Variants in HTR1F observed in about 807,000 individuals in gnomAD.
HTR1F encodes 5-hydroxytryptamine receptor 1F, also known as 5-hydroxytryptamine (serotonin) receptor 1F, G protein-coupled.
A neutral mutation model predicts 24.0 loss-of-function variants in HTR1F; 17 were observed. That is an observed-to-expected ratio of 0.71 (90% CI 0.48 to 1.06). HTR1F has a LOEUF of 1.06. HTR1F is among the 50% of genes least tolerant of loss of function. HTR1F has a pLI of 0.00. For missense variants in HTR1F, 391 were observed against 427.8 expected (o/e 0.91, Z 0.76); for synonymous variants, 186 against 156.8 (o/e 1.19, Z -1.39).
At chr3:87,986,632 A>G (rs1705667340) in intron 2 of HTR1F, among the ~76,000 whole-genome samples, 1 of 152,202 alleles carries the variant, frequency 6.6e-6, no homozygotes, top group Non-Finnish European at 1.5e-5. Context: ...GGAAACCCAC[A>G]TAACTCTTTC....
At chr3:87,812,603 A>G (rs544115088) in intron 1 of HTR1F, among the ~76,000 whole-genome samples, 3 of 152,360 alleles carry the variant, frequency 2.0e-5, no homozygotes, top group South Asian at 4.1e-4. Flanking sequence ...AGAAATTTGC[A>G]TAGGTAATGA....
chr3:87,809,650 A>T (rs767921930), intron 1 of HTR1F, among the ~76,000 whole-genome samples: 1 of 152,024 alleles, frequency 6.6e-6, no homozygotes, highest in Non-Finnish European at 1.5e-5. Context: ...ATTGTATCTG[A>T]TTGCTAGAGA....
At chr3:87,916,955 T>C (rs1019769656) in intron 2 of HTR1F, among the ~76,000 whole-genome samples, 2 of 152,068 alleles carry the variant, frequency 1.3e-5, no homozygotes, top group African/African-American at 4.8e-5. Flanking sequence ...ATAGACCACA[T>C]GATAGACCAC....
At chr3:87,811,187 A>G (rs139150751) in intron 1 of HTR1F, among the ~76,000 whole-genome samples, 1 of 152,218 alleles carries the variant, frequency 6.6e-6, no homozygotes, top group East Asian at 1.9e-4. Context: ...ATTCTCCAGT[A>G]GTCTGGCTCA....
At chr3:87,916,247 C>T (rs369160341) in intron 2 of HTR1F, among the ~76,000 whole-genome samples, 25 of 150,078 alleles carry the variant, frequency 1.7e-4, no homozygotes, top group African/African-American at 5.6e-4. Flanking sequence ...CAAAAAAGGA[C>T]CTCTTTAAAG....
Position 87,991,923 on chromosome 3 carries a change from A to G in HTR1F, c.*73A>G. On this transcript the variant is annotated 3_prime_UTR_variant, in exon 3 of 3. Coordinates refer to ENST00000319595, the MANE Select transcript of HTR1F (RefSeq NM_001322209.2). ...ATAACTAGATGAATGCCAAATAATA[A>G]AACACTTAAGCTTTTAGAGGGAAAT... 3 of 1,297,876 alleles carry G rather than the reference A, an allele frequency of 2.3e-6. No homozygotes were observed. Among genetic ancestry groups the G allele is most frequent in the Non-Finnish European group, 3.2e-6 (3 of 946,704 alleles). The allele number at this position is 1,297,876 out of a possible 1,614,324, so 80.4% of individuals were successfully genotyped here. A position where few individuals can be genotyped will look rare whatever the true frequency, so the allele number is the denominator to read the frequency against.
intron 1 of HTR1F, among the ~76,000 whole-genome samples, chr3:87,795,079 C>G (rs1332937229): frequency 6.7e-6 from 1 of 149,894 alleles, no homozygotes; most frequent in Non-Finnish European, 1.5e-5. Flanking sequence ...CCTCTGACTC[C>G]CTGGTTCAAG....
intron 1 of HTR1F, among the ~76,000 whole-genome samples, chr3:87,813,632 G>A (rs1348505739): frequency 6.6e-6 from 1 of 152,144 alleles, no homozygotes; most frequent in Non-Finnish European, 1.5e-5. Flanking sequence ...TTGGCTCTGT[G>A]TCCCCACTCA....
intron 2 of HTR1F, among the ~76,000 whole-genome samples, chr3:87,973,005 C>CAAA (rs34843722): frequency 2.8e-5 from 4 of 141,176 alleles, no homozygotes; most frequent in Admixed American, 7.1e-5. Flanking sequence ...TACTAAAATA[C>CAAA]AAAAAAAAAA....
intron 2 of HTR1F, among the ~76,000 whole-genome samples, chr3:87,903,478 A>G (rs1393613003): frequency 6.6e-6 from 1 of 152,046 alleles, no homozygotes; most frequent in Non-Finnish European, 1.5e-5. Flanking sequence ...ATGAACAGAC[A>G]CTTCTCAAAA....
chr3:87,869,047 A>G lies in HTR1F; in HGVS notation c.-43+46923A>G, dbSNP rs189638042. On this transcript the variant is annotated intron_variant, in intron 2 of 2. Transcript: ENST00000319595. Reference sequence around the variant, plus strand: ...TTATACATGTGCCGTTCATATATGTATAAATAATAATAAGATAACAAGGAA... The same window carrying G: ...TTATACATGTGCCGTTCATATATGTGTAAATAATAATAAGATAACAAGGAA... Among the ~76,000 whole-genome samples the G allele has an allele frequency of 1.7e-4, 26 of 152,170 alleles. No individual in the cohort carries two copies. In the East Asian group the frequency reaches 4.6e-3, roughly 27 times the overall value.
intron 2 of HTR1F, among the ~76,000 whole-genome samples, chr3:87,933,798 C>A (rs1411388073): frequency 3.9e-5 from 6 of 152,162 alleles, no homozygotes; most frequent in Non-Finnish European, 7.3e-5. Context: ...TATATACATT[C>A]AATGCCATAG....
In HTR1F at chr3:87,893,391, T is replaced by A. The variant is rs548206824; in HGVS notation, c.-43+71267T>A. ...TATGTGCTTAATTTACAATGCTAAA[T>A]TGAGCAATATATTAATTAATTTTTT... On this transcript the variant is annotated intron_variant, in intron 2 of 2. Transcript: ENST00000319595. 2.6e-5 allele frequency among the ~76,000 whole-genome samples: 4 copies of A among 152,352 alleles called. No individual in the cohort carries two copies. In the South Asian group the frequency reaches 8.3e-4, roughly 32 times the overall value.
intron 2 of HTR1F, among the ~76,000 whole-genome samples, chr3:87,967,860 C>A (rs1705201306): frequency 6.6e-6 from 1 of 152,126 alleles, no homozygotes; most frequent in African/African-American, 2.4e-5. Context: ...CAAATTTGTA[C>A]CAGTATAGTA....
intron 2 of HTR1F, among the ~76,000 whole-genome samples, chr3:87,880,710 GGA>G (rs1705774496): frequency 6.6e-6 from 1 of 151,686 alleles, no homozygotes; most frequent in Admixed American, 6.6e-5. Context: ...GGCGGGGCGG[GGA>G]GAGAGAGACA....
intron 2 of HTR1F, among the ~76,000 whole-genome samples, chr3:87,904,419 T>C (rs1303740177): frequency 6.6e-6 from 1 of 151,996 alleles, no homozygotes; most frequent in Non-Finnish European, 1.5e-5. Context: ...AAAAGAAAAA[T>C]AGAAGAAGGC....
intron 1 of HTR1F, among the ~76,000 whole-genome samples, chr3:87,806,928 C>A (rs950214476): frequency 9.2e-4 from 140 of 152,076 alleles, no homozygotes; most frequent in African/African-American, 3.2e-3. Context: ...CATCAAAAAT[C>A]AGTTGGCTGT....
chr3:87,853,057 T>C (rs1355132790), intron 2 of HTR1F, among the ~76,000 whole-genome samples: 1 of 151,606 alleles, frequency 6.6e-6, no homozygotes, highest in Non-Finnish European at 1.5e-5. Context: ...TTTTATAATA[T>C]GTGCTTAGAC....
chr3:87,940,323 T>C (rs1425553928), intron 2 of HTR1F, among the ~76,000 whole-genome samples: 1 of 152,172 alleles, frequency 6.6e-6, no homozygotes, highest in Non-Finnish European at 1.5e-5. Flanking sequence ...AAAATCAATG[T>C]GCAAAAATCA....
Sources: allele counts gnomAD v4.1 joint callset (sites outside exome capture counted in the v4.1 genomes callset), GRCh38; gene constraint gnomAD v4.1.1; transcripts MANE v1.5; gene names NCBI Gene and HGNC (gene_info 2026-07-23, HGNC 2026-07-21).